Variants in TMEM117 observed in about 807,000 individuals in gnomAD.
The protein encoded by TMEM117 is transmembrane protein 117.
A neutral mutation model predicts 52.4 loss-of-function variants in TMEM117; 27 were observed. The observed-to-expected ratio is 0.51, with a 90% confidence interval of 0.38 to 0.71. The LOEUF is 0.71. TMEM117 is among the 30% of genes least tolerant of loss of function. The pLI, the probability that TMEM117 is intolerant of heterozygous loss-of-function variation, is 0.00. For missense variants in TMEM117, 556 were observed against 630.5 expected (o/e 0.88, Z 1.26); for synonymous variants, 215 against 206.3 (o/e 1.04, Z -0.36).
chr12:44,227,375 G>C (rs916704035), intron 5 of TMEM117, among the ~76,000 whole-genome samples: 31 of 152,084 alleles, frequency 2.0e-4, no homozygotes, highest in Admixed American at 3.3e-4. Context: ...GAGGTGAGCA[G>C]ATCACTTGAG....
At chr12:44,125,276 T>G (rs1948305112) in intron 3 of TMEM117, among the ~76,000 whole-genome samples, 1 of 151,996 alleles carries the variant, frequency 6.6e-6, no homozygotes, top group African/African-American at 2.4e-5. Context: ...GGCTAATTCT[T>G]TTTTGTATTT....
intron 2 of TMEM117, among the ~76,000 whole-genome samples, chr12:43,929,696 T>A (rs2137576822): frequency 6.6e-6 from 1 of 152,324 alleles, no homozygotes; most frequent in African/African-American, 2.4e-5. Context: ...AATCACTGTT[T>A]ATTTGCATTT....
At chr12:44,095,408 T>A (rs1192186886) in intron 3 of TMEM117, among the ~76,000 whole-genome samples, 1 of 152,058 alleles carries the variant, frequency 6.6e-6, no homozygotes, top group Non-Finnish European at 1.5e-5. Context: ...AATCTTATGT[T>A]GAGAGTGGAT....
At chr12:43,911,862 G>T (rs9739594) in intron 2 of TMEM117, among the ~76,000 whole-genome samples, 23,971 of 150,940 alleles carry the variant, frequency 0.16, 3,637 homozygotes, top group African/African-American at 0.4. Flanking sequence ...TGCTGGAGAG[G>T]CTGTGGAGAA....
At position 43,997,651 on chromosome 12, in the gene TMEM117, G is replaced by A. The variant is rs60596389; in HGVS notation, c.410+53309G>A. 8.1e-3 allele frequency among the ~76,000 whole-genome samples: 1,226 copies of A among 152,168 alleles called. 54 individuals carry two copies. In the East Asian group the frequency reaches 0.12, roughly 15 times the overall value. On this transcript the variant is annotated intron_variant, in intron 3 of 7. Coordinates refer to ENST00000266534, the MANE Select transcript of TMEM117 (RefSeq NM_032256.3). ...TATTTTCATTATCATCATTACCATT[G>A]TCACTGGCATTGTATTTACTGAGTG...
At chr12:44,219,107 C>T (rs1592616215) in intron 5 of TMEM117, among the ~76,000 whole-genome samples, 1 of 152,126 alleles carries the variant, frequency 6.6e-6, no homozygotes, top group Non-Finnish European at 1.5e-5. Context: ...TAAAGGAAGA[C>T]AAAATATCCA....
chr12:44,114,874 A>G (rs1229085066), intron 3 of TMEM117, among the ~76,000 whole-genome samples: 1 of 152,214 alleles, frequency 6.6e-6, no homozygotes, highest in African/African-American at 2.4e-5. Context: ...ACTCTATTCT[A>G]GACATTCTAG....
chr12:43,843,618 C>T (rs953521609), intron 1 of TMEM117, among the ~76,000 whole-genome samples: 1 of 152,188 alleles, frequency 6.6e-6, no homozygotes, highest in Non-Finnish European at 1.5e-5. Context: ...TTGGATGTGC[C>T]GTAGCCACTG....
intron 3 of TMEM117, among the ~76,000 whole-genome samples, chr12:44,049,396 C>T (rs1001818799): frequency 3.9e-5 from 6 of 151,982 alleles, no homozygotes; most frequent in African/African-American, 1.5e-4. Flanking sequence ...AGGGGAACAT[C>T]ACACACCCAG....
At chr12:43,877,808 C>G (rs187914732) in intron 2 of TMEM117, among the ~76,000 whole-genome samples, 2 of 151,776 alleles carry the variant, frequency 1.3e-5, no homozygotes, top group Admixed American at 6.6e-5. Flanking sequence ...TCTGTTAACT[C>G]ATGGTAATGC....
intron 3 of TMEM117, among the ~76,000 whole-genome samples, chr12:44,070,770 A>C (rs182183665): frequency 6.6e-6 from 1 of 152,318 alleles, no homozygotes; most frequent in East Asian, 1.9e-4. Flanking sequence ...AATACCTTGT[A>C]TGAGGCATTA....
chr12:43,815,465 A>G, the TMEM117 span, among the ~76,000 whole-genome samples: 6 of 152,348 alleles, frequency 3.9e-5, no homozygotes, highest in African/African-American at 1.4e-4. Flanking sequence ...GAACTGATGC[A>G]GAGTGAATTG....
intron 2 of TMEM117, among the ~76,000 whole-genome samples, chr12:43,926,426 G>C (rs1944779793): frequency 6.6e-6 from 1 of 152,064 alleles, no homozygotes; most frequent in Non-Finnish European, 1.5e-5. Context: ...TCATAAGCTA[G>C]GGAATATAGT....
At chr12:44,099,334 A>T (rs1947824594) in intron 3 of TMEM117, among the ~76,000 whole-genome samples, 1 of 152,064 alleles carries the variant, frequency 6.6e-6, no homozygotes, top group Non-Finnish European at 1.5e-5. Context: ...CCCTTTGCAG[A>T]TCTCTGTGAT....
intron 3 of TMEM117, among the ~76,000 whole-genome samples, chr12:43,954,790 G>A (rs1945281240): frequency 1.3e-5 from 2 of 152,180 alleles, no homozygotes; most frequent in South Asian, 2.1e-4. Context: ...TATGAGGCCA[G>A]CATCATCCTG....
chr12:43,857,711 T>A (rs184507039), intron 2 of TMEM117, among the ~76,000 whole-genome samples: 1 of 152,242 alleles, frequency 6.6e-6, no homozygotes, highest in South Asian at 2.1e-4. Flanking sequence ...TTTGAGATGA[T>A]GCTGCCAGAA....
At chr12:44,269,027 A>G (rs1012557227) in intron 5 of TMEM117, among the ~76,000 whole-genome samples, 3 of 152,164 alleles carry the variant, frequency 2.0e-5, no homozygotes, top group South Asian at 2.1e-4. Flanking sequence ...CTAAATAAAT[A>G]CATACTTTTA....
intron 6 of TMEM117, among the ~76,000 whole-genome samples, chr12:44,316,593 G>A (rs188705685): frequency 6.6e-6 from 1 of 152,244 alleles, no homozygotes; most frequent in Admixed American, 6.5e-5. Context: ...TCTCACAGGT[G>A]TTCTCTGGAT....
chr12:44,351,323 T>G (rs1027080900), intron 6 of TMEM117, among the ~76,000 whole-genome samples: 1 of 152,050 alleles, frequency 6.6e-6, no homozygotes, highest in Non-Finnish European at 1.5e-5. Context: ...TTCACTTTGT[T>G]GATTATTCCC....
Sources: allele counts gnomAD v4.1 joint callset (sites outside exome capture counted in the v4.1 genomes callset), GRCh38; gene constraint gnomAD v4.1.1; transcripts MANE v1.5; gene names NCBI Gene and HGNC (gene_info 2026-07-23, HGNC 2026-07-21).